Variants in SMARCC1 observed in about 807,000 individuals in gnomAD.
SMARCC1 encodes the protein SWI/SNF related BAF chromatin remodeling complex subunit C1, also known as SWI/SNF complex subunit SMARCC1.
A neutral mutation model predicts 147.4 loss-of-function variants in SMARCC1; 43 were observed. That is an observed-to-expected ratio of 0.29 (90% CI 0.23 to 0.38). The LOEUF is 0.38. SMARCC1 is among the 10% of genes least tolerant of loss of function. SMARCC1 has a pLI of 1.00. For synonymous variants in SMARCC1, 495 were observed against 484.4 expected, an observed-to-expected ratio of 1.02 and a Z score of -0.29; for missense variants, 1,119 against 1,381.1, an observed-to-expected ratio of 0.81 and a Z score of 3.01.
intron 21 of SMARCC1, among the ~76,000 whole-genome samples, chr3:47,639,247 T>C (rs2033015099): frequency 6.6e-6 from 1 of 152,224 alleles, no homozygotes; most frequent in Admixed American, 6.5e-5. Context: ...GGAAACACTA[T>C]GACCCAGATA....
rs1055786237 is a variant in SMARCC1 at position 47,716,420 on chromosome 3, A to C, written c.717-1930T>G. On this transcript the variant is annotated intron_variant, in intron 7 of 27. Transcript: ENST00000254480. ...GTGAGAGTGAGACTCCATCTCAAAA[A>C]AAAAAAAAAAAAAAAAAAACCCAAC... Among the ~76,000 whole-genome samples, 152 of 150,734 alleles carry C rather than the reference A, an allele frequency of 1.0e-3. 1 individual carries two copies. In the East Asian group the frequency reaches 0.028, roughly 28 times the overall value.
intron 21 of SMARCC1, among the ~76,000 whole-genome samples, chr3:47,646,802 A>G (rs2033125723): frequency 6.6e-6 from 1 of 152,170 alleles, no homozygotes; most frequent in South Asian, 2.1e-4. Context: ...CTTCAAAATC[A>G]GTCCCCCAGC....
At chr3:47,673,343 G>A (rs1433726806) in intron 18 of SMARCC1, among the ~76,000 whole-genome samples, 7 of 127,434 alleles carry the variant, frequency 5.5e-5, no homozygotes, top group African/African-American at 1.1e-4. Context: ...GGGAGACTGC[G>A]CCACCGCACT....
intron 3 of SMARCC1, among the ~76,000 whole-genome samples, chr3:47,739,980 G>A (rs539809446): frequency 1.3e-5 from 2 of 152,036 alleles, no homozygotes; most frequent in South Asian, 2.1e-4. Flanking sequence ...GGATTCAAGC[G>A]ATTCTCCTGC....
At chr3:47,720,527 A>G in intron 7 of SMARCC1, 139 bp downstream of exon 7, 3 of 647,584 alleles carry the variant, frequency 4.6e-6, no homozygotes, top group Non-Finnish European at 8.1e-6. Context: ...GAAAACAGTC[A>G]ATAAAAGACT....
intron 14 of SMARCC1, among the ~76,000 whole-genome samples, chr3:47,681,817 G>T (rs948490509): frequency 3.3e-5 from 5 of 151,888 alleles, no homozygotes; most frequent in Admixed American, 1.3e-4. Context: ...AAGAATAACC[G>T]TAAGGAACTA....
In SMARCC1 at chr3:47,690,841, T is replaced by C. The variant is rs1018931593; in HGVS notation, c.1226-1417A>G. Among the ~76,000 whole-genome samples the C allele has an allele frequency of 1.3e-5, 2 of 152,164 alleles. 1 individual carries two copies. The highest frequency in any genetic ancestry group is 4.8e-5 in the African/African-American group (2 of 41,414). ...GGAATAGGTGATTCTGGATGTGAAA[T>C]AATATGGTATTAATTACCAGTAGGA... On this transcript the variant is annotated intron_variant, in intron 12 of 27. Transcript: ENST00000254480.
chr3:47,633,849 G>A (rs889620995), intron 24 of SMARCC1, among the ~76,000 whole-genome samples: 4 of 138,554 alleles, frequency 2.9e-5, no homozygotes, highest in South Asian at 4.7e-4. Context: ...CTATGACCAC[G>A]ATAATCCTTC....
chr3:47,590,612 C>T (rs769248832), intron 27 of SMARCC1, 49 bp downstream of exon 27: 13 of 1,430,130 alleles, frequency 9.1e-6, no homozygotes, highest in Non-Finnish European at 5.5e-6. Flanking sequence ...TATCTACAGC[C>T]CTCCAGAACG....
chr3:47,730,392 G>C (rs955033886), intron 5 of SMARCC1, among the ~76,000 whole-genome samples: 1 of 152,054 alleles, frequency 6.6e-6, no homozygotes, highest in Non-Finnish European at 1.5e-5. Context: ...GAGGTGGGAG[G>C]ATCATTTGAG....
intron 2 of SMARCC1, among the ~76,000 whole-genome samples, chr3:47,767,534 C>CCCAG (rs2034854684): frequency 6.9e-6 from 1 of 144,872 alleles, no homozygotes; most frequent in African/African-American, 2.5e-5. Flanking sequence ...AGCCACCGCA[C>CCCAG]CCAGCCTCCA....
At chr3:47,721,898 T>C (rs1576421947) in intron 6 of SMARCC1, among the ~76,000 whole-genome samples, 1 of 152,302 alleles carries the variant, frequency 6.6e-6, no homozygotes, top group South Asian at 2.1e-4. Flanking sequence ...TGTGCATCTA[T>C]ACTCCCAGCT....
intron 25 of SMARCC1, among the ~76,000 whole-genome samples, chr3:47,612,696 TG>T (rs1246190559): frequency 1.3e-5 from 2 of 151,882 alleles, no homozygotes; most frequent in Non-Finnish European, 2.9e-5. Flanking sequence ...CTTTATTTTC[TG>T]AGTTTCATCT....
intron 21 of SMARCC1, among the ~76,000 whole-genome samples, chr3:47,660,124 A>T (rs1004221751): frequency 1.3e-4 from 20 of 152,158 alleles, no homozygotes; most frequent in Middle Eastern, 3.2e-3. Context: ...ATAAGTACTC[A>T]TAGCAGCATT....
intron 25 of SMARCC1, 131 bp from the exon 26 acceptor site, chr3:47,610,458 C>G: frequency 1.1e-6 from 1 of 880,252 alleles, no homozygotes; most frequent in East Asian, 2.4e-5. Context: ...TCACTTCCTG[C>G]ACCTTCTACA....
intron 3 of SMARCC1, among the ~76,000 whole-genome samples, chr3:47,741,846 T>C (rs561692210): frequency 9.5e-4 from 144 of 152,010 alleles, no homozygotes; most frequent in Non-Finnish European, 1.7e-3. Context: ...CCTCCCAAAG[T>C]GCTCAGATTA....
chr3:47,759,245 T>A (rs2034742286), intron 2 of SMARCC1, among the ~76,000 whole-genome samples: 1 of 150,780 alleles, frequency 6.6e-6, no homozygotes, highest in Non-Finnish European at 1.5e-5. Context: ...ACTCCTGGAC[T>A]CAAGTGATCC....
At chr3:47,636,784 A>ATGTG (rs1263321678) in intron 22 of SMARCC1, among the ~76,000 whole-genome samples, 2 of 67,642 alleles carry the variant, frequency 3.0e-5, no homozygotes, top group East Asian at 4.4e-4. Flanking sequence ...AACAAAATAT[A>ATGTG]TATATGTGTG....
chr3:47,656,081 C>T (rs768455927), intron 21 of SMARCC1, among the ~76,000 whole-genome samples: 6 of 151,884 alleles, frequency 4.0e-5, no homozygotes, highest in Non-Finnish European at 8.8e-5. Flanking sequence ...CTTGGTGGTG[C>T]GCACCTGTAG....
Sources: gnomAD v4.1 joint callset for allele counts (sites outside exome capture counted in the v4.1 genomes callset) on GRCh38, gnomAD v4.1.1 for gene constraint, MANE v1.5 for transcripts, NCBI Gene and HGNC (gene_info 2026-07-23, HGNC 2026-07-21) for gene names.